The following FSTL1 variants were observed in gnomAD, a reference collection of about 807,000 sequenced individuals.
FSTL1 encodes the protein follistatin like 1, also known as follistatin-related protein 1.
Under a neutral mutation model 45.9 loss-of-function variants are expected in FSTL1, and 24 were observed. The observed-to-expected ratio is 0.52, with a 90% CI of 0.38 to 0.74. The LOEUF (loss-of-function observed/expected upper bound fraction) is 0.74, where lower values mean the gene tolerates loss of function less well. Ranked by LOEUF, FSTL1 falls within the 30% of genes least tolerant of loss-of-function variation. The pLI is 0.00. For missense variants in FSTL1, 340 were observed against 381.8 expected (o/e 0.89, Z 0.91); for synonymous variants, 120 against 137.6 (o/e 0.87, Z 0.89).
chr3:120,432,100 CT>C (rs564412291), intron 2 of FSTL1, among the ~76,000 whole-genome samples: 2 of 152,056 alleles, frequency 1.3e-5, no homozygotes, highest in Non-Finnish European at 2.9e-5. Flanking sequence ...GCTAAATATG[CT>C]TTTTTGGGGG....
intron 4 of FSTL1, 94 bp downstream of exon 4, chr3:120,411,759 TG>T: frequency 9.1e-7 from 1 of 1,099,918 alleles, no homozygotes; most frequent in Non-Finnish European, 1.3e-6. Flanking sequence ...GCTGTGGTCG[TG>T]GAGGAAAGAC....
chr3:120,448,512 G>A (rs1292979673), intron 2 of FSTL1, among the ~76,000 whole-genome samples: 3 of 152,188 alleles, frequency 2.0e-5, no homozygotes, highest in Non-Finnish European at 4.4e-5. Context: ...CCAGGAGGTT[G>A]GAATAATTAA....
At position 120,450,667 on chromosome 3, in the gene FSTL1, C is replaced by A; in HGVS notation, c.63+17G>T. On this transcript the variant is annotated intron_variant, in intron 2 of 10. Coordinates refer to ENST00000295633, the MANE Select transcript of FSTL1 (RefSeq NM_007085.5). ...GGCCCCGGGGACCGAGTTCGGACTC[C>A]TCGGCCCCTCGCCTACCTCGGCGCG... The A allele has an allele frequency of 6.4e-7, 1 of 1,550,644 alleles. No individual in the cohort carries two copies. Among genetic ancestry groups the A allele is most frequent in the South Asian group, 1.2e-5 (1 of 84,292 alleles).
chr3:120,402,180 T>C (rs1936839883), intron 9 of FSTL1, among the ~76,000 whole-genome samples: 1 of 152,132 alleles, frequency 6.6e-6, no homozygotes, highest in Non-Finnish European at 1.5e-5. Flanking sequence ...AGCTCAACTT[T>C]CTCTTTTTAA....
intron 10 of FSTL1, among the ~76,000 whole-genome samples, chr3:120,397,382 C>T (rs1936724108): frequency 6.6e-6 from 1 of 152,186 alleles, no homozygotes; most frequent in Non-Finnish European, 1.5e-5. Context: ...GAGCTTCAAC[C>T]ATGGCTGTGC....
chr3:120,409,072 C>T (rs1937001011), intron 6 of FSTL1, among the ~76,000 whole-genome samples: 1 of 152,204 alleles, frequency 6.6e-6, no homozygotes, highest in Non-Finnish European at 1.5e-5. Flanking sequence ...AAATGCCAGT[C>T]CATTGATTCT....
intron 1 of FSTL1, 70 bp downstream of exon 1, chr3:120,450,827 C>G (rs752718696): frequency 9.8e-7 from 1 of 1,024,588 alleles, no homozygotes; most frequent in Non-Finnish European, 1.4e-6. Flanking sequence ...CCCGCAGGCT[C>G]GCTCCGGCCG....
At chr3:120,425,229 C>G (rs1458318364) in intron 2 of FSTL1, among the ~76,000 whole-genome samples, 1 of 152,044 alleles carries the variant, frequency 6.6e-6, no homozygotes, top group Non-Finnish European at 1.5e-5. Context: ...AGAACTCTGA[C>G]AGCAAAGCAG....
Position 120,431,820 on chromosome 3 carries a change from T to A in FSTL1, c.64-15793A>T, listed in dbSNP as rs79356530. On this transcript the variant is annotated intron_variant, in intron 2 of 10. Transcript: ENST00000295633. ...GAAGTCAATAGAGATTATCTGAACA[T>A]ACAGGCAAGGCAGCATGTCAGGCTG... 6.3e-4 allele frequency among the ~76,000 whole-genome samples: 96 copies of A among 152,292 alleles called. 1 individual carries two copies. In the East Asian group the frequency reaches 0.018, roughly 28 times the overall value.
intron 9 of FSTL1, among the ~76,000 whole-genome samples, chr3:120,401,629 C>A (rs1936828795): frequency 6.6e-6 from 1 of 151,068 alleles, no homozygotes. Context: ...GTTGTCCAGG[C>A]TAGAATGCAG....
intron 2 of FSTL1, among the ~76,000 whole-genome samples, chr3:120,441,677 C>A (rs1277196502): frequency 6.6e-6 from 1 of 152,234 alleles, no homozygotes; most frequent in Non-Finnish European, 1.5e-5. Flanking sequence ...CACATGTACA[C>A]ACACACACAC....
intron 9 of FSTL1, among the ~76,000 whole-genome samples, chr3:120,400,572 A>G (rs2107649090): frequency 6.6e-6 from 1 of 152,342 alleles, no homozygotes; most frequent in East Asian, 1.9e-4. Flanking sequence ...GTTTAGGATG[A>G]AATCTCTAGG....
At chr3:120,399,743 G>T (rs1936780553) in intron 10 of FSTL1, 140 bp downstream of exon 10, 1 of 630,002 alleles carries the variant, frequency 1.6e-6, no homozygotes, top group Non-Finnish European at 2.9e-6. Context: ...TGATAGTACA[G>T]GTGATGGGGT....
intron 5 of FSTL1, 34 bp downstream of exon 5, chr3:120,410,918 T>G: frequency 1.3e-6 from 2 of 1,528,908 alleles, no homozygotes; most frequent in Non-Finnish European, 9.1e-7. Context: ...ATGTCCTCCC[T>G]GAGATGCACA....
At chr3:120,438,909 T>C (rs1396607627) in intron 2 of FSTL1, among the ~76,000 whole-genome samples, 1 of 152,242 alleles carries the variant, frequency 6.6e-6, no homozygotes. Context: ...AGCTGAATCC[T>C]GACAGTCTCA....
intron 6 of FSTL1, among the ~76,000 whole-genome samples, chr3:120,406,341 C>G (rs1936947822): frequency 6.6e-6 from 1 of 152,160 alleles, no homozygotes; most frequent in African/African-American, 2.4e-5. Context: ...TCAAATATTG[C>G]ATGTGCTGGG....
intron 5 of FSTL1, chr3:120,410,141 C>A (rs902989985): frequency 1.2e-5 from 2 of 160,624 alleles, no homozygotes; most frequent in Non-Finnish European, 2.7e-5. Context: ...TGTATACCAC[C>A]TGCATCATCC....
intron 2 of FSTL1, among the ~76,000 whole-genome samples, chr3:120,426,274 G>A (rs1937378121): frequency 6.6e-6 from 1 of 152,198 alleles, no homozygotes; most frequent in African/African-American, 2.4e-5. Context: ...AGCATCCCCT[G>A]CAGTGCCTGC....
chr3:120,400,486 A>T (rs1936800193), intron 9 of FSTL1, among the ~76,000 whole-genome samples: 1 of 152,150 alleles, frequency 6.6e-6, no homozygotes, highest in African/African-American at 2.4e-5. Context: ...ATGTTTCTGA[A>T]ACTTGCACAG....
Sources: allele counts gnomAD v4.1 joint callset (sites outside exome capture counted in the v4.1 genomes callset), GRCh38; gene constraint gnomAD v4.1.1; transcripts MANE v1.5; gene names NCBI Gene and HGNC (gene_info 2026-07-23, HGNC 2026-07-21).